RXFP2: variants seen among roughly 807,000 people sequenced by gnomAD.
The protein encoded by RXFP2 is relaxin family peptide receptor 2, also known as relaxin receptor 2.
In RXFP2, 68 loss-of-function variants were observed where a neutral mutation model predicts 88.6. The ratio of observed to expected loss-of-function variants is 0.77; its 90% CI spans 0.63 to 0.94. The LOEUF is 0.94. Among genes scored for constraint, RXFP2 ranks in the 40% least tolerant of loss-of-function variants. The pLI is 0.00. For missense variants in RXFP2, 791 were observed against 893.9 expected (o/e 0.88, Z 1.47); for synonymous variants, 329 against 306.8 (o/e 1.07, Z -0.76).
rs569055653 is a variant in RXFP2, at chr13:31,791,883, C to T, written c.1223C>T (p.Ser408Leu). The T allele has an allele frequency of 4.3e-6, 7 of 1,614,052 alleles. No homozygotes were observed. The highest frequency in any genetic ancestry group is 5.9e-6 in the Non-Finnish European group (7 of 1,180,008). The change falls in exon 15 of 18, where the codon TCA becomes TTA. Residue 408 changes from serine (S) to leucine (L), a missense_variant. Transcript: ENST00000298386. ...ICMPLTDGIS[S>L]FEDLLANNIL... ...ATGCCCTTGACGGACGGCATTTCTT[C>T]ATTTGAGGACCTCTTGGCTAACAAT... is the stretch of plus-strand genomic sequence containing the variant.
At chr13:31,760,783 A>G (rs1341295690) in intron 2 of RXFP2, among the ~76,000 whole-genome samples, 2 of 152,168 alleles carry the variant, frequency 1.3e-5, no homozygotes, top group Non-Finnish European at 2.9e-5. Context: ...TGCATATTTT[A>G]TTATTTTATA....
chr13:31,785,806 T>A (rs554526303), intron 11 of RXFP2, among the ~76,000 whole-genome samples: 2 of 152,298 alleles, frequency 1.3e-5, no homozygotes, highest in African/African-American at 4.8e-5. Context: ...GTCACTTTCT[T>A]AGGATTCTGT....
In RXFP2 at chr13:31,772,771, G is replaced by A. The variant is rs538187350; in HGVS notation, c.498-1849G>A. Among the ~76,000 whole-genome samples, 8 of 152,316 alleles carry A rather than the reference G, an allele frequency of 5.3e-5. No individual in the cohort carries two copies. The East Asian group carries it at 1.5e-3, about 29-fold the overall frequency. On this transcript the variant is annotated intron_variant, in intron 5 of 17. Transcript: ENST00000298386. Reference sequence around the variant, plus strand: ...GTTTTAACTGATGTCAGTGAAGGGAGATAGGTTGTACACATCAGATGAGTT... The same window carrying A: ...GTTTTAACTGATGTCAGTGAAGGGAAATAGGTTGTACACATCAGATGAGTT...
At chr13:31,795,243 A>G (rs1593472626) in intron 16 of RXFP2, among the ~76,000 whole-genome samples, 1 of 150,582 alleles carries the variant, frequency 6.6e-6, no homozygotes, top group African/African-American at 2.5e-5. Context: ...TCCGCCTCCC[A>G]GGTTCAAGTG....
chr13:31,785,121 G>A (rs1873468747), intron 11 of RXFP2, among the ~76,000 whole-genome samples: 1 of 152,148 alleles, frequency 6.6e-6, no homozygotes, highest in Admixed American at 6.5e-5. Flanking sequence ...TTAAATGCAT[G>A]TTACCAGGCT....
At chr13:31,791,660 C>T (rs1317647381) in intron 14 of RXFP2, 146 bp from the exon 15 acceptor site, 1 of 666,728 alleles carries the variant, frequency 1.5e-6, no homozygotes, top group Admixed American at 2.5e-5. Context: ...ATGAAGAACT[C>T]TTTAATTATA....
chr13:31,743,454 C>T (rs1025792513), intron 1 of RXFP2, among the ~76,000 whole-genome samples: 2 of 148,564 alleles, frequency 1.3e-5, no homozygotes, highest in Admixed American at 6.8e-5. Flanking sequence ...GGCGACAGAG[C>T]GAGACTCTGT....
At chr13:31,740,850 A>G (rs1022405460) in intron 1 of RXFP2, among the ~76,000 whole-genome samples, 8 of 152,096 alleles carry the variant, frequency 5.3e-5, no homozygotes, top group Non-Finnish European at 1.0e-4. Flanking sequence ...CCTTGCATGC[A>G]GTACAGTTGC....
chr13:31,771,232 G>A (rs1289144211), intron 5 of RXFP2, among the ~76,000 whole-genome samples: 1 of 152,206 alleles, frequency 6.6e-6, no homozygotes, highest in Non-Finnish European at 1.5e-5. Context: ...TATGCCAGGG[G>A]TTCCCAGACC....
chr13:31,744,343 T>G (rs1373004867), intron 1 of RXFP2, among the ~76,000 whole-genome samples: 1 of 152,238 alleles, frequency 6.6e-6, no homozygotes, highest in Non-Finnish European at 1.5e-5. Context: ...GCACTTATTG[T>G]AAAATTTCAT....
intron 3 of RXFP2, among the ~76,000 whole-genome samples, chr13:31,762,357 G>A (rs1364235535): frequency 3.9e-5 from 6 of 152,338 alleles, no homozygotes; most frequent in Non-Finnish European, 7.3e-5. Flanking sequence ...AAGGATATGA[G>A]GTGACAGGAT....
intron 1 of RXFP2, among the ~76,000 whole-genome samples, chr13:31,754,216 T>C (rs1322019919): frequency 2.6e-5 from 4 of 152,162 alleles, no homozygotes; most frequent in African/African-American, 9.7e-5. Context: ...GATGGGCATT[T>C]AGTTAGGTCC....
chr13:31,761,670 C>A, intron 2 of RXFP2, 54 bp from the exon 3 acceptor site: 1 of 1,165,100 alleles, frequency 8.6e-7, no homozygotes, highest in Non-Finnish European at 1.3e-6. Flanking sequence ...TAAATTTTGT[C>A]AGATGGTATT....
intron 1 of RXFP2, among the ~76,000 whole-genome samples, chr13:31,742,208 C>A (rs1871247871): frequency 6.6e-6 from 1 of 152,126 alleles, no homozygotes; most frequent in Non-Finnish European, 1.5e-5. Flanking sequence ...CTACCAATTG[C>A]TACTTAAATA....
intron 13 of RXFP2, among the ~76,000 whole-genome samples, chr13:31,788,627 T>A (rs1487035570): frequency 6.6e-6 from 1 of 152,188 alleles, no homozygotes; most frequent in Non-Finnish European, 1.5e-5. Context: ...CACTGGTGTC[T>A]TAGAAGACTC....
chr13:31,798,456 G>A (rs1274202588), intron 17 of RXFP2, among the ~76,000 whole-genome samples: 1 of 152,210 alleles, frequency 6.6e-6, no homozygotes, highest in African/African-American at 2.4e-5. Flanking sequence ...GAAGCCATAA[G>A]AGGGTTTTGT....
chr13:31,787,595 T>C (rs1009568241), intron 13 of RXFP2, among the ~76,000 whole-genome samples: 1 of 152,172 alleles, frequency 6.6e-6, no homozygotes, highest in Non-Finnish European at 1.5e-5. Context: ...TTACATACTT[T>C]TCTTTATTCA....
At chr13:31,798,482 G>A (rs370495459) in intron 17 of RXFP2, among the ~76,000 whole-genome samples, 124 of 152,310 alleles carry the variant, frequency 8.1e-4, no homozygotes, top group African/African-American at 2.8e-3. Context: ...GTCATGTGGG[G>A]AGACCCAGTT....
chr13:31,779,872 G>A (rs17076649), intron 9 of RXFP2, among the ~76,000 whole-genome samples: 25,256 of 152,086 alleles, frequency 0.17, 2,096 homozygotes, highest in African/African-American at 0.2. Flanking sequence ...TTAAATATAT[G>A]CTGTCAAAAG....
Sources: gnomAD v4.1 joint callset for allele counts (sites outside exome capture counted in the v4.1 genomes callset) on GRCh38, gnomAD v4.1.1 for gene constraint, MANE v1.5 for transcripts, NCBI Gene and HGNC (gene_info 2026-07-23, HGNC 2026-07-21) for gene names.